The following TMEM14A variants were observed in gnomAD, a reference collection of about 807,000 sequenced individuals.
TMEM14A encodes the protein transmembrane protein 14A.
In TMEM14A, 8 loss-of-function variants were observed where a neutral mutation model predicts 11.6. The ratio of observed to expected loss-of-function variants is 0.69; its 90% CI spans 0.40 to 1.24. TMEM14A has a LOEUF of 1.24. Ranked by LOEUF, TMEM14A falls within the 50% of genes most tolerant of loss-of-function variation. TMEM14A has a pLI of 0.01. For missense variants in TMEM14A, 108 were observed against 121.9 expected (o/e 0.89, Z 0.54); for synonymous variants, 34 against 45.5 (o/e 0.75, Z 1.02).
rs745696741 is a variant in TMEM14A, at chr6:52,677,135, C to T, written c.33C>T (p.Leu11=). ...TGATCGGTTTTGGTTATGCAGCCCT[C>T]GTGACATTTGGAAGCATTTTTGGAT... is the stretch of plus-strand genomic sequence containing the variant. The part of the protein sequence containing the change: MDLIGFGYAA[L]VTFGSIFGYK... The change falls in exon 2 of 5, where the codon CTC becomes CTT. Residue 11 remains leucine (L), a synonymous_variant. Transcript: ENST00000211314. The T allele has an allele frequency of 1.9e-5, 30 of 1,614,164 alleles. No homozygotes were observed. Among genetic ancestry groups the T allele is most frequent in the East Asian group, 4.5e-5 (2 of 44,888 alleles).
At chr6:52,680,706 C>CATATATGTATATATATATAT (rs1397954310) in intron 2 of TMEM14A, among the ~76,000 whole-genome samples, 3 of 24,486 alleles carry the variant, frequency 1.2e-4, no homozygotes, top group African/African-American at 2.3e-4. Flanking sequence ...TATATATATA[C>CATATATGTATATATATATAT]ACATATATAT....
In TMEM14A at chr6:52,680,704, T is replaced by TATATATATATATATATATACACAC. The variant is rs371102796; in HGVS notation, c.71-1108_71-1107insTATATATATATATATATACACACA. On this transcript the variant is annotated intron_variant, in intron 2 of 4. Coordinates refer to ENST00000211314, the MANE Select transcript of TMEM14A (RefSeq NM_014051.4). The stretch of plus-strand genomic sequence containing the variant: ...ATATACATATATGTATATATATATA[T>TATATATATATATATATATACACAC]ACACATATATATATGGCATGGATGA... Among the ~76,000 whole-genome samples, 39 of 51,086 alleles carry TATATATATATATATATATACACAC rather than the reference T, an allele frequency of 7.6e-4. 1 individual carries two copies. The highest frequency in any genetic ancestry group is 1.3e-3 in the Non-Finnish European group (30 of 22,614). 33.5% of individuals were successfully genotyped at this position (51,086 alleles called of 152,430 possible). A position where few individuals can be genotyped will look rare whatever the true frequency, so the allele number is the denominator to read the frequency against.
intron 3 of TMEM14A, among the ~76,000 whole-genome samples, chr6:52,682,207 C>T (rs987757708): frequency 1.3e-5 from 2 of 152,168 alleles, no homozygotes; most frequent in Non-Finnish European, 2.9e-5. Context: ...CTCCTAAATG[C>T]ATATTTAGCA....
chr6:52,684,125 T>A lies in TMEM14A; in HGVS notation c.220T>A (p.Ser74Thr), dbSNP rs376252495. 12 of 1,613,860 alleles carry A rather than the reference T, an allele frequency of 7.4e-6. No homozygotes were observed. The highest frequency in any genetic ancestry group is 1.0e-5 in the Non-Finnish European group (12 of 1,179,878). The change falls in exon 4 of 5, where the codon TCC becomes ACC. Residue 74 changes from serine to threonine, a missense_variant. Coordinates refer to ENST00000211314, the MANE Select transcript of TMEM14A (RefSeq NM_014051.4). ...ATIMGVRFKR[S>T]KKIMPAGLVA... ...CATAATGGGTGTGAGATTTAAGAGG[T>A]CCAAGAAAATAATGCCTGCTGGTTT...
intron 1 of TMEM14A, among the ~76,000 whole-genome samples, 188 bp from the exon 2 acceptor site, chr6:52,676,899 C>T (rs913279108): frequency 2.0e-5 from 3 of 152,150 alleles, no homozygotes; most frequent in Admixed American, 2.0e-4. Context: ...GTTGCTAAAC[C>T]ATTAGCAGCC....
At chr6:52,682,707 C>T (rs150297566) in intron 3 of TMEM14A, among the ~76,000 whole-genome samples, 1 of 151,206 alleles carries the variant, frequency 6.6e-6, no homozygotes, top group African/African-American at 2.4e-5. Context: ...TATTGATATG[C>T]ATTTAAATAG....
intron 1 of TMEM14A, among the ~76,000 whole-genome samples, chr6:52,671,715 G>A (rs1459327044): frequency 6.6e-6 from 1 of 152,168 alleles, no homozygotes; most frequent in African/African-American, 2.4e-5. Flanking sequence ...GGAGGATTTG[G>A]GGCGGGCAGC....
chr6:52,683,549 C>A (rs1769434161), intron 3 of TMEM14A, among the ~76,000 whole-genome samples: 1 of 151,378 alleles, frequency 6.6e-6, no homozygotes. Flanking sequence ...TGGATTTTAA[C>A]ATGTTTGTTT....
At chr6:52,672,417 C>T (rs984301157) in intron 1 of TMEM14A, among the ~76,000 whole-genome samples, 25 of 152,080 alleles carry the variant, frequency 1.6e-4, no homozygotes. Flanking sequence ...AGAAGTTACA[C>T]CTGATAATGA....
chr6:52,680,984 A>G (rs1258403340), intron 2 of TMEM14A, among the ~76,000 whole-genome samples: 1 of 151,490 alleles, frequency 6.6e-6, no homozygotes, highest in Non-Finnish European at 1.5e-5. Context: ...CCCTGGCTGC[A>G]CATTTGAATT....
intron 4 of TMEM14A, 84 bp from the exon 5 acceptor site, chr6:52,685,926 C>A: frequency 7.5e-7 from 1 of 1,334,962 alleles, no homozygotes; most frequent in Non-Finnish European, 1.0e-6. Context: ...AGTAACACTA[C>A]TGGGTAGGCG....
At chr6:52,675,964 T>C (rs2670156) in intron 1 of TMEM14A, among the ~76,000 whole-genome samples, 103,415 of 152,050 alleles carry the variant, frequency 0.68, 37,196 homozygotes, top group South Asian at 0.82. Flanking sequence ...GGAGAAGGTT[T>C]AAAGGGAGGT....
intron 4 of TMEM14A, among the ~76,000 whole-genome samples, chr6:52,685,423 A>G (rs986625794): frequency 6.6e-5 from 10 of 152,062 alleles, no homozygotes; most frequent in African/African-American, 2.4e-4. Context: ...GCAAAACCCC[A>G]TCTCTACAAA....
rs774700800 is a variant in TMEM14A, at chr6:52,681,813, G to A, written c.71G>A (p.Gly24Asp). 8 of 1,613,594 alleles carry A rather than the reference G, an allele frequency of 5.0e-6. No homozygotes were observed. In the Admixed American group the frequency reaches 6.7e-5, roughly 13 times the overall value. ...ATCTCATATTTTTTTCCCCTTCCAGGTGGTGTTCCGTCTTTGATTGCTGGT... is the reference window on the plus strand; with the variant it reads ...ATCTCATATTTTTTTCCCCTTCCAGATGGTGTTCCGTCTTTGATTGCTGGT... ...FGSIFGYKRRGGVPSLIAGLF... is the reference protein window; with the variant it reads ...FGSIFGYKRRDGVPSLIAGLF... Residue 24 changes from glycine (G) to aspartate (D), a missense_variant and splice_region_variant, in exon 3 of 5, where the codon GGT (glycine) becomes GAT (aspartate). Gly to Asp is a moderately conservative substitution (Grantham distance 94). Coordinates refer to ENST00000211314, the MANE Select transcript of TMEM14A (RefSeq NM_014051.4).
chr6:52,681,831 T>C lies in TMEM14A; in HGVS notation c.89T>C (p.Ile30Thr). The C allele has an allele frequency of 6.2e-7, 1 of 1,614,132 alleles. No homozygotes were observed. The change falls in exon 3 of 5, where the codon ATT becomes ACT. Residue 30 changes from isoleucine (I) to threonine (T), a missense_variant. Transcript: ENST00000211314. Reference protein sequence around the residue: ...YKRRGGVPSLIAGLFVGCLAG... With the variant: ...YKRRGGVPSLTAGLFVGCLAG... ...CTTCCAGGTGGTGTTCCGTCTTTGA[T>C]TGCTGGTCTTTTTGTTGGATGTTTG...
At chr6:52,673,519 C>G (rs1335145810) in intron 1 of TMEM14A, among the ~76,000 whole-genome samples, 2 of 152,172 alleles carry the variant, frequency 1.3e-5, no homozygotes, top group Non-Finnish European at 2.9e-5. Flanking sequence ...GCCTCTTGAA[C>G]CTGTTGCCTT....
Position 52,681,862 on chromosome 6 carries a change from C to CT in TMEM14A, c.121dup (p.Tyr41LeufsTer9). ...GTCTTTTTGTTGGATGTTTGGCCGG[C>CT]TATGGAGCTTACCGTGTCTCCAATG... On this transcript the variant is annotated frameshift_variant, in exon 3 of 5. Coordinates refer to ENST00000211314, the MANE Select transcript of TMEM14A (RefSeq NM_014051.4). LOFTEE classifies it high-confidence loss of function. 2 of 1,614,056 alleles carry CT rather than the reference C, an allele frequency of 1.2e-6. No individual in the cohort carries two copies. The highest frequency in any genetic ancestry group is 1.7e-6 in the Non-Finnish European group (2 of 1,180,000).
chr6:52,676,223 G>A (rs1456553856), intron 1 of TMEM14A, among the ~76,000 whole-genome samples: 1 of 152,148 alleles, frequency 6.6e-6, no homozygotes, highest in Non-Finnish European at 1.5e-5. Context: ...GGATGAAGGG[G>A]AAAGTAGAGG....
intron 4 of TMEM14A, among the ~76,000 whole-genome samples, chr6:52,685,773 C>A (rs1328656206): frequency 6.6e-6 from 1 of 152,100 alleles, no homozygotes; most frequent in Non-Finnish European, 1.5e-5. Flanking sequence ...CTCTTATAAA[C>A]CCTCATCCAA....
Sources: allele counts gnomAD v4.1 joint callset (sites outside exome capture counted in the v4.1 genomes callset), GRCh38; gene constraint gnomAD v4.1.1; transcripts MANE v1.5; gene names NCBI Gene and HGNC (gene_info 2026-07-23, HGNC 2026-07-21).